RPAP2: variants seen among roughly 807,000 people sequenced by gnomAD.
RPAP2 encodes the protein RNA polymerase II associated protein 2, also known as putative RNA polymerase II subunit B1 CTD phosphatase RPAP2.
RPAP2 carries 52 observed loss-of-function variants against 73.1 expected under a neutral mutation model. The ratio of observed to expected loss-of-function variants is 0.71; its 90% CI spans 0.57 to 0.90. RPAP2 has a LOEUF of 0.90. RPAP2 is among the 40% of genes least tolerant of loss of function. The probability of loss-of-function intolerance (pLI) is 0.00; values close to 1 mark genes in which losing one functional copy is unlikely to be tolerated. For synonymous variants in RPAP2, 225 were observed against 242.1 expected (o/e 0.93, Z 0.65); for missense variants, 598 against 701.8 (o/e 0.85, Z 1.67).
intron 6 of RPAP2, among the ~76,000 whole-genome samples, chr1:92,313,959 C>T (rs907551757): frequency 4.6e-5 from 7 of 152,204 alleles, no homozygotes; most frequent in African/African-American, 1.4e-4. Context: ...AGCTTCCTCA[C>T]CTCTCTCAGT....
rs138700181 is a variant in RPAP2, at chr1:92,338,517, T to C, written c.1619+2090T>C. On this transcript the variant is annotated intron_variant, in intron 10 of 12. Coordinates refer to ENST00000610020, the MANE Select transcript of RPAP2 (RefSeq NM_024813.3). ...GTCTACACTGATGATAAAGTTTAAA[T>C]AGATATACATAGTATGGAAACACTG... Among the ~76,000 whole-genome samples, 272 of 152,314 alleles carry C rather than the reference T, an allele frequency of 1.8e-3. 3 individuals are homozygous for C. The highest frequency in any genetic ancestry group is 6.0e-3 in the African/African-American group (250 of 41,572).
At chr1:92,328,730 A>G (rs1481915574) in intron 8 of RPAP2, among the ~76,000 whole-genome samples, 2 of 152,112 alleles carry the variant, frequency 1.3e-5, no homozygotes, top group Non-Finnish European at 2.9e-5. Context: ...TTGTTTTGTC[A>G]TATTACTAGA....
chr1:92,320,431 T>G (rs981598781), intron 6 of RPAP2, among the ~76,000 whole-genome samples, 168 bp from the exon 7 acceptor site: 1 of 151,974 alleles, frequency 6.6e-6, no homozygotes, highest in Admixed American at 6.5e-5. Context: ...CACCGCCATG[T>G]CCAGCTAATT....
chr1:92,314,179 A>C (rs1401475638), intron 6 of RPAP2, among the ~76,000 whole-genome samples: 1 of 152,222 alleles, frequency 6.6e-6, no homozygotes, highest in African/African-American at 2.4e-5. Context: ...AAATAGGCCT[A>C]GCTTTTGGCC....
At chr1:92,383,206 G>C in intron 12 of RPAP2, among the ~76,000 whole-genome samples, 1 of 147,074 alleles carries the variant, frequency 6.8e-6, no homozygotes, top group African/African-American at 2.5e-5. Context: ...GTAGCGTGAT[G>C]CCTCCAGCTT....
At chr1:92,303,768 T>C (rs906861787) in intron 3 of RPAP2, among the ~76,000 whole-genome samples, 2 of 152,142 alleles carry the variant, frequency 1.3e-5, no homozygotes, top group Non-Finnish European at 2.9e-5. Context: ...ATTTTTTTAA[T>C]AATAACTTTT....
chr1:92,380,952 A>G, intron 12 of RPAP2, 79 bp downstream of exon 12: 1 of 1,312,496 alleles, frequency 7.6e-7, no homozygotes, highest in Middle Eastern at 2.5e-4. Flanking sequence ...TTAATTGGAA[A>G]TTGTAAAAAC....
chr1:92,320,452 T>C lies in RPAP2; in HGVS notation c.489-147T>C, dbSNP rs552224849. ...CATGTCCAGCTAATTTTTGTATTTT[T>C]AGTAGAGATGGGGTTTCACCATGTT... On this transcript the variant is annotated intron_variant, in intron 6 of 12. Transcript: ENST00000610020. 1.6e-5 allele frequency: 9 copies of C among 545,680 alleles called. No homozygotes were observed. In the East Asian group the frequency reaches 2.6e-4, roughly 16 times the overall value. The allele number at this position is 545,680 out of a possible 1,614,324, so 33.8% of individuals were successfully genotyped here.
chr1:92,346,851 A>G (rs1423823466), intron 11 of RPAP2, among the ~76,000 whole-genome samples: 1 of 152,182 alleles, frequency 6.6e-6, no homozygotes, highest in East Asian at 1.9e-4. Context: ...TCTTTTGAGG[A>G]TCATTCATTA....
chr1:92,361,281 C>T (rs199523919), intron 11 of RPAP2, among the ~76,000 whole-genome samples: 1 of 152,188 alleles, frequency 6.6e-6, no homozygotes, highest in East Asian at 1.9e-4. Flanking sequence ...AAGCAGTTTT[C>T]TTACCAAAAC....
chr1:92,360,402 C>T (rs1418437319), intron 11 of RPAP2, among the ~76,000 whole-genome samples: 1 of 152,064 alleles, frequency 6.6e-6, no homozygotes, highest in Middle Eastern at 3.2e-3. Context: ...CTAGACGGAG[C>T]AAATGCCGAC....
At chr1:92,354,890 A>AATTATTATT (rs58610684) in intron 11 of RPAP2, among the ~76,000 whole-genome samples, 26 of 147,684 alleles carry the variant, frequency 1.8e-4, no homozygotes, top group African/African-American at 3.2e-4. Flanking sequence ...AATTTATGTA[A>AATTATTATT]ATTATTATTA....
intron 2 of RPAP2, among the ~76,000 whole-genome samples, chr1:92,301,081 A>G (rs932478837): frequency 1.3e-5 from 2 of 152,230 alleles, no homozygotes; most frequent in African/African-American, 4.8e-5. Flanking sequence ...CCTGCGTGCT[A>G]AGTAGACATT....
intron 9 of RPAP2, 22 bp from the exon 10 acceptor site, chr1:92,336,325 A>C (rs1557609515): frequency 6.4e-7 from 1 of 1,561,044 alleles, no homozygotes. Context: ...TTTTAAAATA[A>C]ATGTAATTTT....
intron 7 of RPAP2, among the ~76,000 whole-genome samples, chr1:92,322,772 G>A (rs935264545): frequency 9.9e-5 from 15 of 151,722 alleles, no homozygotes; most frequent in Middle Eastern, 6.8e-3. Context: ...AGCTACTTGG[G>A]AGGCCGAGGT....
chr1:92,384,784 T>TA (rs1655795398), intron 12 of RPAP2, among the ~76,000 whole-genome samples: 1 of 152,104 alleles, frequency 6.6e-6, no homozygotes. Flanking sequence ...CAAAGGCCCT[T>TA]AAAGAATATG....
At chr1:92,299,433 C>G (rs1378089585) in intron 1 of RPAP2, among the ~76,000 whole-genome samples, 1 of 152,094 alleles carries the variant, frequency 6.6e-6, no homozygotes, top group Non-Finnish European at 1.5e-5. Flanking sequence ...GCCTGGGGTC[C>G]CCGGGTTTCG....
At chr1:92,319,480 G>A (rs998913313) in intron 6 of RPAP2, among the ~76,000 whole-genome samples, 2 of 152,094 alleles carry the variant, frequency 1.3e-5, no homozygotes, top group African/African-American at 4.8e-5. Flanking sequence ...TAAATTTTAA[G>A]GTCTGGCAGG....
chr1:92,346,704 T>C (rs1307868997), intron 11 of RPAP2, among the ~76,000 whole-genome samples: 1 of 152,226 alleles, frequency 6.6e-6, no homozygotes, highest in Non-Finnish European at 1.5e-5. Context: ...ACCAGATGCT[T>C]ACTACAAAAG....
Sources: gnomAD v4.1 joint callset for allele counts (sites outside exome capture counted in the v4.1 genomes callset) on GRCh38, gnomAD v4.1.1 for gene constraint, MANE v1.5 for transcripts, NCBI Gene and HGNC (gene_info 2026-07-23, HGNC 2026-07-21) for gene names.